Variants in PCDH7 observed in about 807,000 individuals in gnomAD.
The protein encoded by PCDH7 is protocadherin 7.
PCDH7 carries 17 observed loss-of-function variants against 58.9 expected under a neutral mutation model. The ratio of observed to expected loss-of-function variants is 0.29; its 90% confidence interval spans 0.20 to 0.43. The LOEUF (loss-of-function observed/expected upper bound fraction) is 0.43. Ranked by LOEUF, PCDH7 falls within the 20% of genes least tolerant of loss-of-function variation. The pLI is 1.00. For missense variants in PCDH7, 1,274 were observed against 1,441.0 expected, an observed-to-expected ratio of 0.88 and a Z score of 1.88; for synonymous variants, 664 against 616.4, an observed-to-expected ratio of 1.08 and a Z score of -1.14.
At chr4:31,111,339 G>A (rs1034707274) in intron 3 of PCDH7, among the ~76,000 whole-genome samples, 3 of 144,580 alleles carry the variant, frequency 2.1e-5, no homozygotes, top group East Asian at 4.0e-4. Context: ...GCGGAGTCTC[G>A]CTCTGTCGCT....
intron 3 of PCDH7, among the ~76,000 whole-genome samples, chr4:30,969,963 C>G (rs1749410020): frequency 6.6e-6 from 1 of 152,100 alleles, no homozygotes; most frequent in African/African-American, 2.4e-5. Flanking sequence ...CCAGACATTG[C>G]TGCTTGAATT....
intron 1 of PCDH7, chr4:30,884,931 G>A (rs1737498120): frequency 6.6e-6 from 1 of 152,094 alleles, no homozygotes; most frequent in African/African-American, 2.4e-5. Context: ...GATTTTTATG[G>A]GGGTCTGATG....
At chr4:30,933,264 A>G (rs1354134099) in intron 2 of PCDH7, among the ~76,000 whole-genome samples, 1 of 152,054 alleles carries the variant, frequency 6.6e-6, no homozygotes, top group Non-Finnish European at 1.5e-5. Context: ...TGACCTCGTG[A>G]TCTGCCTGCC....
intron 3 of PCDH7, among the ~76,000 whole-genome samples, chr4:31,111,711 G>A (rs1200139935): frequency 2.0e-5 from 3 of 152,216 alleles, no homozygotes; most frequent in Admixed American, 2.0e-4. Context: ...CTAAGAACAA[G>A]TAGTTAGAAG....
At chr4:31,106,725 G>A (rs1715626624) in intron 3 of PCDH7, among the ~76,000 whole-genome samples, 1 of 151,986 alleles carries the variant, frequency 6.6e-6, no homozygotes, top group African/African-American at 2.4e-5. Flanking sequence ...AACAATACTG[G>A]GTGAATTGGC....
chr4:30,812,363 T>A (rs1727132433), intron 1 of PCDH7, among the ~76,000 whole-genome samples: 1 of 152,214 alleles, frequency 6.6e-6, no homozygotes, highest in Non-Finnish European at 1.5e-5. Flanking sequence ...TGGAAATATA[T>A]CATTTCAAAT....
At chr4:30,938,618 T>C (rs1745650704) in intron 2 of PCDH7, among the ~76,000 whole-genome samples, 3 of 152,120 alleles carry the variant, frequency 2.0e-5, no homozygotes, top group Non-Finnish European at 4.4e-5. Flanking sequence ...ATTTTGGACA[T>C]GTTCTATTAA....
chr4:31,056,497 GAAA>G, intron 3 of PCDH7, among the ~76,000 whole-genome samples: 1 of 127,838 alleles, frequency 7.8e-6, no homozygotes. Flanking sequence ...AAGAAAGAAA[GAAA>G]GAAAGAAAGA....
chr4:31,032,378 C>T (rs145507252), intron 3 of PCDH7, among the ~76,000 whole-genome samples: 3,048 of 152,060 alleles, frequency 0.02, 91 homozygotes, highest in African/African-American at 0.069. Flanking sequence ...GAGGCCAAGG[C>T]GGGTGGATCA....
At chr4:30,822,366 G>T (rs957284184) in intron 1 of PCDH7, among the ~76,000 whole-genome samples, 1 of 152,132 alleles carries the variant, frequency 6.6e-6, no homozygotes. Flanking sequence ...AATGCCACAC[G>T]CCACATCCAG....
chr4:31,026,338 G>T (rs1754421725), intron 3 of PCDH7, among the ~76,000 whole-genome samples: 1 of 152,182 alleles, frequency 6.6e-6, no homozygotes, highest in African/African-American at 2.4e-5. Flanking sequence ...GCATTTTGAT[G>T]TGGAAGTAGC....
intron 1 of PCDH7, among the ~76,000 whole-genome samples, chr4:30,787,317 A>C (rs992943369): frequency 6.6e-6 from 1 of 152,102 alleles, no homozygotes; most frequent in Non-Finnish European, 1.5e-5. Flanking sequence ...GGAAATGTAT[A>C]CCTCAGGATT....
intron 1 of PCDH7, among the ~76,000 whole-genome samples, chr4:30,807,423 T>C (rs530457643): frequency 3.7e-4 from 56 of 152,298 alleles, no homozygotes; most frequent in African/African-American, 1.3e-3. Flanking sequence ...CTCTATTTGT[T>C]ATGGACCAGG....
Position 30,720,620 on chromosome 4 carries a change from C to A in PCDH7, c.-803C>A. The stretch of plus-strand genomic sequence containing the variant: ...GGGGTGAGAAGGGACTGACTCTGGG[C>A]GTCTCTGAAGATGGCTCGGGCTTCT... On this transcript the variant is annotated 5_prime_UTR_variant, in exon 1 of 2. Transcript: ENST00000361762. The surrounding 1 kb of genome is among the most constrained non-coding windows in gnomAD (Gnocchi z 4.7). The A allele has an allele frequency of 6.5e-6, 1 of 153,002 alleles. No homozygotes were observed. Among genetic ancestry groups the A allele is most frequent in the Non-Finnish European group, 1.5e-5 (1 of 68,334 alleles). The allele number at this position is 153,002 out of a possible 1,614,324, so 9.5% of individuals were successfully genotyped here. A position where few individuals can be genotyped will look rare whatever the true frequency, so the allele number is the denominator to read the frequency against.
chr4:31,133,667 G>A (rs1369589290), intron 3 of PCDH7, among the ~76,000 whole-genome samples: 1 of 152,178 alleles, frequency 6.6e-6, no homozygotes, highest in Non-Finnish European at 1.5e-5. Context: ...CCACATCTCT[G>A]ATGTGCATAA....
intron 1 of PCDH7, among the ~76,000 whole-genome samples, chr4:30,778,340 A>G (rs1722342324): frequency 6.6e-6 from 1 of 152,124 alleles, no homozygotes. Flanking sequence ...TGAGAAAACC[A>G]TATTGCCTTG....
At chr4:30,867,043 C>T (rs1734970388) in intron 1 of PCDH7, among the ~76,000 whole-genome samples, 2 of 151,998 alleles carry the variant, frequency 1.3e-5, no homozygotes, top group Admixed American at 1.3e-4. Flanking sequence ...TTGTTTTCTA[C>T]ACCTTTGCTT....
chr4:30,971,434 C>G (rs1304985288), intron 3 of PCDH7, among the ~76,000 whole-genome samples: 1 of 152,138 alleles, frequency 6.6e-6, no homozygotes, highest in African/African-American at 2.4e-5. Context: ...TAAAATGTCC[C>G]AGGTAATGCT....
chr4:31,098,482 T>G (rs1560222704), intron 3 of PCDH7, among the ~76,000 whole-genome samples: 1 of 152,188 alleles, frequency 6.6e-6, no homozygotes, highest in Non-Finnish European at 1.5e-5. Flanking sequence ...TGTGGACCAC[T>G]TTTTGCAAAG....
Sources: allele counts gnomAD v4.1 joint callset (sites outside exome capture counted in the v4.1 genomes callset), GRCh38; gene constraint gnomAD v4.1.1; non-coding constraint Gnocchi (gnomAD v3.1); transcripts MANE v1.5; gene names NCBI Gene and HGNC (gene_info 2026-07-23, HGNC 2026-07-21).